The following ACKR4 variants were observed in gnomAD, a reference collection of about 807,000 sequenced individuals.
The protein encoded by ACKR4 is atypical chemokine receptor 4, also known as C-C CKR-11.
ACKR4 carries 2 observed loss-of-function variants against 8.5 expected under a neutral mutation model. The ratio of observed to expected loss-of-function variants is 0.23; its 90% CI spans 0.10 to 0.74. ACKR4 has a LOEUF of 0.74. ACKR4 is among the 30% of genes least tolerant of loss of function. The pLI, the probability that ACKR4 is intolerant of heterozygous loss-of-function variation, is 0.75. For synonymous variants in ACKR4, 67 were observed against 145.0 expected, an observed-to-expected ratio of 0.46 and a Z score of 3.86; for missense variants, 167 against 422.1, an observed-to-expected ratio of 0.40 and a Z score of 5.30.
chr3:132,600,512 T>A lies in ACKR4; in HGVS notation c.115T>A (p.Phe39Ile), dbSNP rs1444533864. Residue 39 changes from phenylalanine to isoleucine, a missense_variant, in exon 2 of 2, where the codon TTT becomes ATT. Phe to Ile is a conservative substitution (Grantham distance 21). Transcript: ENST00000249887. ...CTGTATCAAAGAAGATGTCAGAGAATTTGCAAAAGTTTTCCTCCCTGTATT... is the reference window on the plus strand; with the variant it reads ...CTGTATCAAAGAAGATGTCAGAGAAATTGCAAAAGTTTTCCTCCCTGTATT... ...LICIKEDVREFAKVFLPVFLT... is the reference protein window; with the variant it reads ...LICIKEDVREIAKVFLPVFLT... The A allele has an allele frequency of 1.2e-6, 2 of 1,613,876 alleles. No homozygotes were observed. Among genetic ancestry groups the A allele is most frequent in the Non-Finnish European group, 1.7e-6 (2 of 1,179,806 alleles).
rs917057307 is a variant in ACKR4 at position 132,601,828 on chromosome 3, G to A, written c.*378G>A. 3.1e-6 allele frequency: 1 copy of A among 326,728 alleles called. No individual in the cohort carries two copies. Among genetic ancestry groups the A allele is most frequent in the African/African-American group, 2.2e-5 (1 of 45,294 alleles). The allele number at this position is 326,728 out of a possible 1,614,324, so 20.2% of individuals were successfully genotyped here. ...ACATTGTACCAATTTCAATTTCCTG[G>A]TTTTGACATTATAGTATAATTATGT... On this transcript the variant is annotated 3_prime_UTR_variant, in exon 2 of 2. Coordinates refer to ENST00000249887, the MANE Select transcript of ACKR4 (RefSeq NM_016557.4).
rs1351976326 is a variant in ACKR4 at position 132,597,329 on chromosome 3, T to C, written c.-10+6T>C. 2 of 152,120 alleles carry C rather than the reference T, an allele frequency of 1.3e-5. No individual in the cohort carries two copies. Among genetic ancestry groups the C allele is most frequent in the African/African-American group, 4.8e-5 (2 of 41,408 alleles). The allele number at this position is 152,120 out of a possible 1,614,324, so 9.4% of individuals were successfully genotyped here. On this transcript the variant is annotated splice_donor_region_variant and intron_variant, in intron 1 of 1. Transcript: ENST00000249887. ...CTCTCTGCCGACTACAACAGGTTGGTACTTTATTTCTTTTCTTATTCTGAC... is the reference window on the plus strand; with the variant it reads ...CTCTCTGCCGACTACAACAGGTTGGCACTTTATTTCTTTTCTTATTCTGAC...
chr3:132,601,278 T>C lies in ACKR4; in HGVS notation c.881T>C (p.Phe294Ser). ...CAAGTCACAGAAAGCATCGCACTCT[T>C]TCACAGCTGCCTCAACCCAATCCTT... is the stretch of plus-strand genomic sequence containing the variant. ...AIQVTESIAL[F>S]HSCLNPILYV... is the part of the protein sequence containing the mutation. The change falls in exon 2 of 2, where the codon TTT becomes TCT. Residue 294 changes from phenylalanine (F) to serine (S), a missense_variant. Around this residue, in one of 2 missense-constraint regions of ACKR4, gnomAD observed 18 missense variants for 140.2 expected, o/e 0.13. Coordinates refer to ENST00000249887, the MANE Select transcript of ACKR4 (RefSeq NM_016557.4). 3 of 1,613,994 alleles carry C rather than the reference T, an allele frequency of 1.9e-6. No homozygotes were observed. Among genetic ancestry groups the C allele is most frequent in the Non-Finnish European group, 2.5e-6 (3 of 1,179,868 alleles).
At chr3:132,600,023 T>G (rs1938497983) in intron 1 of ACKR4, among the ~76,000 whole-genome samples, 1 of 152,202 alleles carries the variant, frequency 6.6e-6, no homozygotes, top group South Asian at 2.1e-4. Flanking sequence ...ATTATAACAC[T>G]ATTTATTCTT....
At position 132,602,261 on chromosome 3, in the gene ACKR4, C is replaced by T. The variant is rs1216159579; in HGVS notation, c.*811C>T. ...AACATTCCTGGTAAGTTCCTAAAGA[C>T]ATAATTTGCTTCTATGATGTCAACT... On this transcript the variant is annotated 3_prime_UTR_variant, in exon 2 of 2. Transcript: ENST00000249887. 6.0e-6 allele frequency: 1 copy of T among 166,196 alleles called. No individual in the cohort carries two copies. The allele number at this position is 166,196 out of a possible 1,614,324, so 10.3% of individuals were successfully genotyped here. A position where few individuals can be genotyped will look rare whatever the true frequency, so the allele number is the denominator to read the frequency against.
intron 1 of ACKR4, among the ~76,000 whole-genome samples, chr3:132,598,451 A>C (rs1322277468): frequency 6.6e-6 from 1 of 152,224 alleles, no homozygotes; most frequent in Non-Finnish European, 1.5e-5. Context: ...AGGCACATTA[A>C]CAAGATTTTA....
Position 132,601,717 on chromosome 3 carries a change from C to A in ACKR4, c.*267C>A, listed in dbSNP as rs1243521875. The A allele has an allele frequency of 4.5e-6, 2 of 446,226 alleles. No homozygotes were observed. The highest frequency in any genetic ancestry group is 2.2e-5 in the South Asian group (1 of 46,464). The allele number at this position is 446,226 out of a possible 1,614,324, so 27.6% of individuals were successfully genotyped here. On this transcript the variant is annotated 3_prime_UTR_variant, in exon 2 of 2. Coordinates refer to ENST00000249887, the MANE Select transcript of ACKR4 (RefSeq NM_016557.4). ...AACACTCTGCTGTAACGAAGAAGAG[C>A]TTTGTGGTGATAATTTTGTATCTTG...
intron 1 of ACKR4, among the ~76,000 whole-genome samples, chr3:132,599,847 G>A (rs908188685): frequency 6.6e-6 from 1 of 152,016 alleles, no homozygotes; most frequent in Non-Finnish European, 1.5e-5. Flanking sequence ...GTGAAATTTA[G>A]TGCAAATGCT....
At chr3:132,599,023 T>TA (rs1938446826) in intron 1 of ACKR4, among the ~76,000 whole-genome samples, 1 of 152,162 alleles carries the variant, frequency 6.6e-6, no homozygotes, top group Non-Finnish European at 1.5e-5. Flanking sequence ...GTTAGAAAGA[T>TA]ACTGCTTGGC....
At chr3:132,598,218 A>G (rs954768480) in intron 1 of ACKR4, among the ~76,000 whole-genome samples, 1 of 152,236 alleles carries the variant, frequency 6.6e-6, no homozygotes, top group Non-Finnish European at 1.5e-5. Context: ...ATTCAGCACT[A>G]TAATAAAAAC....
At chr3:132,597,948 A>T (rs920858837) in intron 1 of ACKR4, among the ~76,000 whole-genome samples, 2 of 152,128 alleles carry the variant, frequency 1.3e-5, no homozygotes, top group African/African-American at 2.4e-5. Context: ...AGAGTCATTT[A>T]AAAAAGTTGG....
chr3:132,597,548 TA>T (rs1218159138), intron 1 of ACKR4, among the ~76,000 whole-genome samples: 2 of 152,124 alleles, frequency 1.3e-5, no homozygotes, highest in Non-Finnish European at 2.9e-5. Context: ...TACTTGTCGG[TA>T]AAACTTTGTT....
At position 132,600,411 on chromosome 3, in the gene ACKR4, A is replaced by G; in HGVS notation, c.14A>G (p.Gln5Arg). 6.3e-7 allele frequency: 1 copy of G among 1,591,928 alleles called. No homozygotes were observed. Among genetic ancestry groups the G allele is most frequent in the Non-Finnish European group, 8.6e-7 (1 of 1,169,260 alleles). Residue 5 changes from glutamine to arginine, a missense_variant, in exon 2 of 2, where the codon CAG (glutamine) becomes CGG (arginine). Physicochemically the swap from Gln to Arg is conservative, Grantham distance 43. Transcript: ENST00000249887. The part of the protein sequence containing the change: MALE[Q>R]NQSTDYYYEE... ...TAGATTGGAGCCATGGCTTTGGAACAGAACCAGTCAACAGATTATTATTAT... is the reference window on the plus strand; with the variant it reads ...TAGATTGGAGCCATGGCTTTGGAACGGAACCAGTCAACAGATTATTATTAT...
intron 1 of ACKR4, among the ~76,000 whole-genome samples, chr3:132,597,531 A>G (rs1037993313): frequency 3.9e-5 from 6 of 152,198 alleles, no homozygotes; most frequent in African/African-American, 1.4e-4. Context: ...ACGATTTTAA[A>G]TGCCATTACT....
intron 1 of ACKR4, among the ~76,000 whole-genome samples, chr3:132,597,948 A>G (rs920858837): frequency 1.3e-5 from 2 of 152,246 alleles, no homozygotes; most frequent in South Asian, 4.1e-4. Context: ...AGAGTCATTT[A>G]AAAAAGTTGG....
intron 1 of ACKR4, among the ~76,000 whole-genome samples, chr3:132,599,938 G>A (rs907294849): frequency 1.3e-5 from 2 of 151,916 alleles, no homozygotes; most frequent in Non-Finnish European, 2.9e-5. Flanking sequence ...AATAAACCAA[G>A]TAATTTGCTA....
At position 132,600,294 on chromosome 3, in the gene ACKR4, A is replaced by G. The variant is rs543904253; in HGVS notation, c.-9-95A>G. The G allele has an allele frequency of 1.5e-5, 16 of 1,054,666 alleles. No homozygotes were observed. In the African/African-American group the frequency reaches 2.6e-4, roughly 17 times the overall value. 65.3% of individuals were successfully genotyped at this position (1,054,666 alleles called of 1,614,324 possible). On this transcript the variant is annotated intron_variant, in intron 1 of 1. Transcript: ENST00000249887. ...CTCACATATGTTACAGCAACAGGCT[A>G]TACTCTAGGGAAAGAACAAAACAGC... is the stretch of plus-strand genomic sequence containing the variant.
chr3:132,598,460 T>C (rs1938413229), intron 1 of ACKR4, among the ~76,000 whole-genome samples: 1 of 152,220 alleles, frequency 6.6e-6, no homozygotes, highest in African/African-American at 2.4e-5. Context: ...AACAAGATTT[T>C]ATTTACAAAC....
rs200045620 is a variant in ACKR4, at chr3:132,600,992, T to G, written c.595T>G (p.Leu199Val). The G allele has an allele frequency of 3.7e-6, 6 of 1,613,322 alleles. No homozygotes were observed. Among genetic ancestry groups the G allele is most frequent in the Non-Finnish European group, 5.1e-6 (6 of 1,179,668 alleles). The change falls in exon 2 of 2, where the codon TTG becomes GTG. Residue 199 changes from leucine (L) to valine (V), a missense_variant. Physicochemically the swap from Leu to Val is conservative, Grantham distance 32. Coordinates refer to ENST00000249887, the MANE Select transcript of ACKR4 (RefSeq NM_016557.4). ...PRYLGTSMKA[L>V]IQMLEICIGF... ...CTACCTAGGAACATCAATGAAAGCA[T>G]TGATTCAAATGCTAGAGATCTGCAT...
Sources: gnomAD v4.1 joint callset for allele counts (sites outside exome capture counted in the v4.1 genomes callset) on GRCh38, gnomAD v4.1.1 for gene constraint, gnomAD v4.1.1 regional missense constraint, MANE v1.5 for transcripts, NCBI Gene and HGNC (gene_info 2026-07-23, HGNC 2026-07-21) for gene names.